The following DENND1A variants were observed in gnomAD, a reference collection of about 807,000 sequenced individuals.
DENND1A encodes the protein DENN domain-containing protein 1A.
In DENND1A, 51 loss-of-function variants were observed where a neutral mutation model predicts 113.7. The observed-to-expected ratio is 0.45, with a 90% CI of 0.36 to 0.57. The LOEUF (loss-of-function observed/expected upper bound fraction) is 0.57, where lower values mean the gene tolerates loss of function less well. Ranked by LOEUF, DENND1A falls within the 20% of genes least tolerant of loss-of-function variation. The pLI, the probability that DENND1A is intolerant of heterozygous loss-of-function variation, is 0.00. For synonymous variants in DENND1A, 565 were observed against 570.8 expected (o/e 0.99, Z 0.14); for missense variants, 1,258 against 1,395.9 (o/e 0.90, Z 1.57).
intron 5 of DENND1A, among the ~76,000 whole-genome samples, chr9:123,725,629 GC>G (rs1390866731): frequency 2.6e-5 from 4 of 152,234 alleles, no homozygotes; most frequent in Admixed American, 1.3e-4. Context: ...CAAAGCTCTG[GC>G]GCATCCTCTG....
chr9:123,548,272 C>A (rs1045741480), intron 13 of DENND1A, among the ~76,000 whole-genome samples: 10 of 152,172 alleles, frequency 6.6e-5, no homozygotes, highest in Non-Finnish European at 1.3e-4. Flanking sequence ...TGTTAATTAG[C>A]AAGTTACCAG....
At chr9:123,878,843 ATACT>A in intron 2 of DENND1A, 104 bp downstream of exon 2, 3 of 1,110,370 alleles carry the variant, frequency 2.7e-6, no homozygotes, top group Non-Finnish European at 3.9e-6. Flanking sequence ...GCACTTAAAC[ATACT>A]TAAAGACAAA....
chr9:123,869,260 T>C (rs1446513602), intron 2 of DENND1A, among the ~76,000 whole-genome samples: 1 of 152,206 alleles, frequency 6.6e-6, no homozygotes, highest in Non-Finnish European at 1.5e-5. Context: ...CCAGGCACTC[T>C]TCTAGCTACC....
intron 11 of DENND1A, among the ~76,000 whole-genome samples, chr9:123,588,633 A>AC (rs1554894950): frequency 1.0e-4 from 9 of 86,462 alleles, no homozygotes; most frequent in African/African-American, 3.8e-4. Context: ...AAAAAAAAAA[A>AC]GGGGGGGGGG....
At chr9:123,508,462 C>T (rs937873278) in intron 13 of DENND1A, among the ~76,000 whole-genome samples, 1 of 152,226 alleles carries the variant, frequency 6.6e-6, no homozygotes, top group African/African-American at 2.4e-5. Context: ...ATAAAATGAG[C>T]TGTTTCTGCA....
intron 10 of DENND1A, among the ~76,000 whole-genome samples, chr9:123,628,990 C>T (rs1172431540): frequency 6.6e-6 from 1 of 152,208 alleles, no homozygotes; most frequent in Non-Finnish European, 1.5e-5. Flanking sequence ...CACATGATGT[C>T]CCTGAGTTAT....
At chr9:123,776,602 ATC>A (rs1243750380) in intron 3 of DENND1A, among the ~76,000 whole-genome samples, 2 of 152,192 alleles carry the variant, frequency 1.3e-5, no homozygotes, top group Non-Finnish European at 2.9e-5. Flanking sequence ...TTTACTCAGA[ATC>A]TTGAAAGCCT....
intron 9 of DENND1A, among the ~76,000 whole-genome samples, chr9:123,647,029 T>G (rs1211063854): frequency 2.0e-5 from 3 of 152,184 alleles, no homozygotes; most frequent in Non-Finnish European, 4.4e-5. Flanking sequence ...TTCACTGTCT[T>G]CTGGTTTCCA....
At chr9:123,906,856 T>A (rs1308013906) in intron 1 of DENND1A, among the ~76,000 whole-genome samples, 86 of 87,056 alleles carry the variant, frequency 9.9e-4, no homozygotes, top group African/African-American at 3.7e-3. Context: ...TAACTCATTT[T>A]ATGAGGCCAG....
chr9:123,523,146 T>C (rs2054530223), intron 13 of DENND1A, among the ~76,000 whole-genome samples: 1 of 152,162 alleles, frequency 6.6e-6, no homozygotes, highest in African/African-American at 2.4e-5. Context: ...GAGGGAGGGT[T>C]AAATGTTTAG....
In DENND1A at chr9:123,562,620, G is replaced by T. The variant is rs544351081; in HGVS notation, c.868-4925C>A. ...TACCAAACTTTAACCATGCAAGGAT[G>T]CTTTCACTTTCTATTTTACACACTT... On this transcript the variant is annotated intron_variant, in intron 12 of 23. Coordinates refer to ENST00000394215, the MANE Select transcript of DENND1A (RefSeq NM_001352964.2). Among the ~76,000 whole-genome samples the T allele has an allele frequency of 2.3e-4, 35 of 152,268 alleles. No homozygotes were observed. The South Asian group carries it at 3.7e-3, about 16-fold the overall frequency.
At chr9:123,818,561 C>CATAT (rs1250943832) in intron 2 of DENND1A, among the ~76,000 whole-genome samples, 28 of 116,532 alleles carry the variant, frequency 2.4e-4, no homozygotes, top group African/African-American at 7.8e-4. Context: ...CACACACACA[C>CATAT]ACACACATAT....
intron 3 of DENND1A, among the ~76,000 whole-genome samples, chr9:123,783,652 T>C (rs1328724468): frequency 1.3e-5 from 2 of 152,168 alleles, no homozygotes; most frequent in Non-Finnish European, 2.9e-5. Flanking sequence ...TAAACCCCTG[T>C]AAATGGCAGA....
At chr9:123,765,073 T>C (rs1022307814) in intron 4 of DENND1A, among the ~76,000 whole-genome samples, 2 of 152,188 alleles carry the variant, frequency 1.3e-5, no homozygotes, top group African/African-American at 2.4e-5. Context: ...ACACTGGTCC[T>C]ATGTCTGTGT....
chr9:123,923,357 CTT>C (rs1239378054), intron 1 of DENND1A, among the ~76,000 whole-genome samples: 4 of 152,152 alleles, frequency 2.6e-5, no homozygotes, highest in Admixed American at 6.5e-5. Flanking sequence ...TTCAAAGAGA[CTT>C]TTATTCCACC....
intron 13 of DENND1A, among the ~76,000 whole-genome samples, chr9:123,538,909 T>C (rs2056063443): frequency 7.0e-6 from 1 of 142,186 alleles, no homozygotes; most frequent in South Asian, 2.3e-4. Context: ...TGGAGGATGA[T>C]AGGGAACCAA....
At position 123,545,771 on chromosome 9, in the gene DENND1A, G is replaced by A. The variant is rs537526400; in HGVS notation, c.993+11799C>T. Among the ~76,000 whole-genome samples, 9 of 152,208 alleles carry A rather than the reference G, an allele frequency of 5.9e-5. No homozygotes were observed. In the South Asian group the frequency reaches 1.5e-3, roughly 25 times the overall value. ...TGTGAGACACCACGCCCATTCCCAA[G>A]ATCTCCTGTTCTTAAGAAGTTCATA... is the stretch of plus-strand genomic sequence containing the variant. On this transcript the variant is annotated intron_variant, in intron 13 of 23. Coordinates refer to ENST00000394215, the MANE Select transcript of DENND1A (RefSeq NM_001352964.2).
intron 10 of DENND1A, among the ~76,000 whole-genome samples, chr9:123,627,697 G>A (rs192261205): frequency 6.8e-5 from 10 of 147,388 alleles, no homozygotes; most frequent in Admixed American, 6.2e-4. Context: ...CCCAGATTGT[G>A]CCACTGCACT....
rs1353011711 is a variant in DENND1A, at chr9:123,898,026, T to G, written c.18-19005A>C. Among the ~76,000 whole-genome samples, 4 of 152,090 alleles carry G rather than the reference T, an allele frequency of 2.6e-5. No homozygotes were observed. The East Asian group carries it at 7.7e-4, about 29-fold the overall frequency. On this transcript the variant is annotated intron_variant, in intron 1 of 23. Transcript: ENST00000394215. The stretch of plus-strand genomic sequence containing the variant: ...GTCAACAACTAAAAAAAATTTTTTT[T>G]TAATTTAAAGGTAGGGTCTCAAAGT...
Sources: allele counts gnomAD v4.1 joint callset (sites outside exome capture counted in the v4.1 genomes callset), GRCh38; gene constraint gnomAD v4.1.1; transcripts MANE v1.5; gene names NCBI Gene and HGNC (gene_info 2026-07-23, HGNC 2026-07-21).